Variants in SOX6 observed in about 807,000 individuals in gnomAD.
The protein encoded by SOX6 is SRY-box transcription factor 6.
A neutral mutation model predicts 97.8 loss-of-function variants in SOX6; 11 were observed. That is an observed-to-expected ratio of 0.11 (90% CI 0.07 to 0.19). The LOEUF is 0.19. Ranked by LOEUF, SOX6 falls within the 10% of genes least tolerant of loss-of-function variation. The probability of loss-of-function intolerance (pLI) is 1.00; values close to 1 mark genes in which losing one functional copy is unlikely to be tolerated. For missense variants in SOX6, 810 were observed against 1,039.5 expected (o/e 0.78, Z 3.04); for synonymous variants, 360 against 371.4 (o/e 0.97, Z 0.35).
chr11:16,522,188 C>T (rs1861077952), intron 4 of SOX6, among the ~76,000 whole-genome samples: 1 of 152,114 alleles, frequency 6.6e-6, no homozygotes, highest in African/African-American at 2.4e-5. Flanking sequence ...TCAGATTCAC[C>T]AAAGTTGAAA....
intron 3 of SOX6, among the ~76,000 whole-genome samples, chr11:16,682,769 A>T (rs1158929451): frequency 3.3e-5 from 5 of 152,222 alleles, no homozygotes; most frequent in African/African-American, 1.2e-4. Context: ...AATAAAGGGT[A>T]TTCAATTAGG....
chr11:16,715,450 G>T (rs1158286471), intron 2 of SOX6, among the ~76,000 whole-genome samples: 1 of 151,992 alleles, frequency 6.6e-6, no homozygotes, highest in Non-Finnish European at 1.5e-5. Context: ...TAATAAATAA[G>T]ATTTTTATAG....
At position 16,049,921 on chromosome 11, in the gene SOX6, C is replaced by T. The variant is rs1233274677; in HGVS notation, c.1269G>A (p.Gln423=). ...VTQVKDEAAA[Q]PLNLSSRPKT... is the part of the protein sequence containing the mutation. ...TGGGTCGGGATGAGAGATTCAGAGG[C>T]TGTGCTGCTGCTTCATCCTACAAGA... The change falls in exon 11 of 16, where the codon CAG becomes CAA. Residue 423 remains glutamine (Q), a synonymous_variant. Coordinates refer to ENST00000683767, the MANE Select transcript of SOX6 (RefSeq NM_001367873.1). The T allele has an allele frequency of 6.2e-7, 1 of 1,613,514 alleles. No homozygotes were observed. The highest frequency in any genetic ancestry group is 1.3e-5 in the African/African-American group (1 of 74,828).
chr11:16,658,189 A>G (rs1409498701), intron 3 of SOX6, among the ~76,000 whole-genome samples: 1 of 152,128 alleles, frequency 6.6e-6, no homozygotes, highest in Non-Finnish European at 1.5e-5. Context: ...ACTTTTGGCA[A>G]TCTAGTGGGT....
At chr11:16,488,044 C>A (rs528418541) in intron 4 of SOX6, among the ~76,000 whole-genome samples, 44 of 152,150 alleles carry the variant, frequency 2.9e-4, no homozygotes, top group Non-Finnish European at 5.4e-4. Flanking sequence ...TTACATTTTT[C>A]AAGCATTTCT....
chr11:16,266,754 G>T (rs1854093887), intron 3 of SOX6, among the ~76,000 whole-genome samples: 1 of 151,202 alleles, frequency 6.6e-6, no homozygotes, highest in South Asian at 2.1e-4. Context: ...AAACTCCAAG[G>T]CAATCACCAA....
rs1853352456 is a variant in SOX6, at chr11:15,972,687, CAATT to C, written c.*118_*121del. 2.7e-6 allele frequency: 3 copies of C among 1,091,036 alleles called. No homozygotes were observed. Among genetic ancestry groups the C allele is most frequent in the Admixed American group, 1.8e-5 (1 of 55,124 alleles). The allele number at this position is 1,091,036 out of a possible 1,614,324, so 67.6% of individuals were successfully genotyped here. On this transcript the variant is annotated 3_prime_UTR_variant, in exon 16 of 16. Transcript: ENST00000683767. ...TTAATCTGTCTCACACTTTACGAAA[CAATT>C]AAGACCATTCTGCTGATGTAATTGT...
rs35597667 is a variant in SOX6, at chr11:15,974,378, CTTTTTT to C, written c.2184-1272_2184-1267del. ...TTTTGTTTTTTTCTGTTAGCTCTCT[CTTTTTT>C]TTTTTTTTTTTTTTTTTTATTATAC... is the stretch of plus-strand genomic sequence containing the variant. On this transcript the variant is annotated intron_variant, in intron 15 of 15. Coordinates refer to ENST00000683767, the MANE Select transcript of SOX6 (RefSeq NM_001367873.1). Among the ~76,000 whole-genome samples the C allele has an allele frequency of 2.3e-4, 20 of 85,688 alleles. 1 individual carries two copies. The highest frequency in any genetic ancestry group is 6.0e-4 in the African/African-American group (12 of 19,854). The allele number at this position is 85,688 out of a possible 152,430, so 56.2% of individuals were successfully genotyped here.
At chr11:16,485,774 G>C (rs752606783) in intron 4 of SOX6, among the ~76,000 whole-genome samples, 1 of 149,954 alleles carries the variant, frequency 6.7e-6, no homozygotes, top group Admixed American at 6.7e-5. Context: ...CACACCTGTA[G>C]TCCCAGCTAC....
chr11:16,232,875 T>G (rs1046684854), intron 4 of SOX6, among the ~76,000 whole-genome samples: 7 of 152,116 alleles, frequency 4.6e-5, no homozygotes, highest in African/African-American at 7.2e-5. Context: ...TATCCATCAA[T>G]AAGTTGAGTT....
chr11:16,630,568 T>C (rs760770033), intron 3 of SOX6, among the ~76,000 whole-genome samples: 1 of 152,162 alleles, frequency 6.6e-6, no homozygotes. Context: ...TACTCTGTGG[T>C]TGATGGGTGG....
intron 3 of SOX6, among the ~76,000 whole-genome samples, chr11:16,709,370 T>C (rs2134046557): frequency 6.6e-6 from 1 of 152,088 alleles, no homozygotes; most frequent in Admixed American, 6.5e-5. Context: ...ATACAAAAAT[T>C]AGCTGGGCAT....
rs114525887 is a variant in SOX6, at chr11:16,037,484, C to G, written c.1623+9030G>C. On this transcript the variant is annotated intron_variant, in intron 12 of 15. Coordinates refer to ENST00000683767, the MANE Select transcript of SOX6 (RefSeq NM_001367873.1). ...ATTTAAAGAAATTTCAAATGGAGTT[C>G]CACCTACAGAACTGGTCTTGGGAAT... Among the ~76,000 whole-genome samples the G allele has an allele frequency of 1.5e-3, 232 of 152,278 alleles. 1 individual carries two copies. Among genetic ancestry groups the G allele is most frequent in the African/African-American group, 5.1e-3 (213 of 41,552 alleles).
intron 9 of SOX6, among the ~76,000 whole-genome samples, chr11:16,076,920 A>C (rs1479721133): frequency 1.3e-5 from 2 of 150,214 alleles, no homozygotes; most frequent in Non-Finnish European, 3.0e-5. Flanking sequence ...CGCCCGGCTA[A>C]TTTTTTGTAT....
chr11:16,575,187 C>G (rs1220559391), intron 4 of SOX6, among the ~76,000 whole-genome samples: 1 of 152,098 alleles, frequency 6.6e-6, no homozygotes, highest in Non-Finnish European at 1.5e-5. Flanking sequence ...CAAATTTAAA[C>G]CATGGTAAGA....
intron 4 of SOX6, among the ~76,000 whole-genome samples, chr11:16,582,840 G>A (rs558008227): frequency 3.5e-4 from 53 of 152,068 alleles, no homozygotes; most frequent in Non-Finnish European, 6.8e-4. Context: ...AAGATCAAAT[G>A]GTTTTATAGG....
chr11:16,578,879 A>G (rs1441579504), intron 4 of SOX6, among the ~76,000 whole-genome samples: 2 of 152,170 alleles, frequency 1.3e-5, no homozygotes, highest in Non-Finnish European at 2.9e-5. Flanking sequence ...ATTGAAAGGG[A>G]AAGTTTGAAG....
intron 1 of SOX6, among the ~76,000 whole-genome samples, chr11:16,461,835 G>T (rs933308321): frequency 6.6e-6 from 1 of 152,104 alleles, no homozygotes; most frequent in African/African-American, 2.4e-5. Flanking sequence ...AATTTAATTA[G>T]CATTTTCCTT....
intron 4 of SOX6, among the ~76,000 whole-genome samples, chr11:16,563,080 C>T (rs1437439820): frequency 2.0e-5 from 3 of 151,548 alleles, no homozygotes; most frequent in Non-Finnish European, 2.9e-5. Context: ...AAAAGATAAC[C>T]AATAGATGCC....
Sources: allele counts gnomAD v4.1 joint callset (sites outside exome capture counted in the v4.1 genomes callset), GRCh38; gene constraint gnomAD v4.1.1; transcripts MANE v1.5; gene names NCBI Gene and HGNC (gene_info 2026-07-23, HGNC 2026-07-21).